PCDHGA1: variants seen among roughly 807,000 people sequenced by gnomAD.
The protein encoded by PCDHGA1 is protocadherin gamma-A1.
A neutral mutation model predicts 58.0 loss-of-function variants in PCDHGA1; 32 were observed. The observed-to-expected ratio is 0.55, with a 90% CI of 0.42 to 0.74. The LOEUF (loss-of-function observed/expected upper bound fraction) is 0.74, where lower values mean the gene tolerates loss of function less well. Ranked by LOEUF, PCDHGA1 falls within the 30% of genes least tolerant of loss-of-function variation. The pLI, the probability that PCDHGA1 is intolerant of heterozygous loss-of-function variation, is 0.00. For missense variants in PCDHGA1, 1,205 were observed against 1,182.3 expected (o/e 1.02, Z -0.28); for synonymous variants, 498 against 501.1 (o/e 0.99, Z 0.08).
intron 1 of PCDHGA1, chr5:141,378,088 T>A (rs1218204650): frequency 6.6e-6 from 1 of 152,252 alleles, no homozygotes; most frequent in African/African-American, 2.4e-5. Context: ...TTATAACTTT[T>A]TTTCAAACTC....
chr5:141,342,903 T>A (rs1006351262), intron 1 of PCDHGA1: 2 of 152,216 alleles, frequency 1.3e-5, no homozygotes, highest in Non-Finnish European at 2.9e-5. Context: ...CAAAGGAAAC[T>A]TCTTTCAGTA....
At chr5:141,450,014 T>A (rs867473620) in intron 1 of PCDHGA1, among the ~76,000 whole-genome samples, 7,114 of 149,588 alleles carry the variant, frequency 0.048, 422 homozygotes, top group African/African-American at 0.13. Context: ...CTCTTTTTTT[T>A]TTTTTTTTTT....
chr5:141,341,358 C>A, intron 1 of PCDHGA1: 1 of 1,614,252 alleles, frequency 6.2e-7, no homozygotes, highest in Non-Finnish European at 8.5e-7. Flanking sequence ...GCGCCTCAAT[C>A]TCTACTCGAA....
chr5:141,417,766 C>T (rs564920153), intron 1 of PCDHGA1: 7 of 1,442,472 alleles, frequency 4.9e-6, no homozygotes, highest in African/African-American at 4.3e-5. Context: ...AGACCCGGGA[C>T]TCCTCCTGTC....
intron 1 of PCDHGA1, chr5:141,404,265 T>A: frequency 6.2e-7 from 1 of 1,613,998 alleles, no homozygotes; most frequent in Non-Finnish European, 8.5e-7. Context: ...GAAATTCACA[T>A]CACCCTGCAA....
chr5:141,348,541 C>T (rs1758139506), intron 1 of PCDHGA1, among the ~76,000 whole-genome samples: 1 of 152,128 alleles, frequency 6.6e-6, no homozygotes, highest in South Asian at 2.1e-4. Context: ...AAGATAATTT[C>T]TAAGAATTCT....
intron 1 of PCDHGA1, chr5:141,393,251 G>A: frequency 6.2e-7 from 1 of 1,613,814 alleles, no homozygotes; most frequent in Non-Finnish European, 8.5e-7. Context: ...ACGAAATCGC[G>A]GTTCCTGGAG....
At chr5:141,342,771 ATATATTG>A (rs1173667615) in intron 1 of PCDHGA1, 1 of 152,226 alleles carries the variant, frequency 6.6e-6, no homozygotes. Context: ...GAAACGACAA[ATATATTG>A]TATTTATATT....
At chr5:141,406,474 T>TA (rs1309995681) in intron 1 of PCDHGA1, among the ~76,000 whole-genome samples, 1 of 152,248 alleles carries the variant, frequency 6.6e-6, no homozygotes, top group Non-Finnish European at 1.5e-5. Flanking sequence ...TCTTTGAGGT[T>TA]ATATTTTTCA....
At chr5:141,498,318 G>T (rs927950671) in intron 2 of PCDHGA1, among the ~76,000 whole-genome samples, 2 of 151,792 alleles carry the variant, frequency 1.3e-5, no homozygotes, top group African/African-American at 4.8e-5. Flanking sequence ...TGCCTACACA[G>T]AAGGAAGAGC....
At chr5:141,347,223 G>A (rs980321059) in intron 1 of PCDHGA1, among the ~76,000 whole-genome samples, 2 of 139,372 alleles carry the variant, frequency 1.4e-5, no homozygotes, top group Non-Finnish European at 3.1e-5. Flanking sequence ...GCATGATCAC[G>A]GCTCACTGCA....
intron 1 of PCDHGA1, chr5:141,344,564 C>T: frequency 6.2e-7 from 1 of 1,614,022 alleles, no homozygotes; most frequent in Non-Finnish European, 8.5e-7. Context: ...CCAATGACTA[C>T]TTCTCTCTGG....
intron 1 of PCDHGA1, chr5:141,427,552 C>T (rs1233231671): frequency 1.5e-6 from 1 of 645,244 alleles, no homozygotes; most frequent in South Asian, 1.5e-5. Context: ...ATCACTGCCA[C>T]TGACAAGGGC....
At position 141,485,129 on chromosome 5, in the gene PCDHGA1, T is replaced by G. The variant is rs761201450; in HGVS notation, c.2422-9678T>G. 2.1e-6 allele frequency: 3 copies of G among 1,462,964 alleles called. No individual in the cohort carries two copies. Among genetic ancestry groups the G allele is most frequent in the Non-Finnish European group, 2.8e-6 (3 of 1,053,766 alleles). 90.6% of individuals were successfully genotyped at this position (1,462,964 alleles called of 1,614,324 possible). A position where few individuals can be genotyped will look rare whatever the true frequency, so the allele number is the denominator to read the frequency against. On this transcript the variant is annotated intron_variant, in intron 1 of 3. Coordinates refer to ENST00000517417, the MANE Select transcript of PCDHGA1 (RefSeq NM_018912.3). The surrounding 1 kb of genome is among the most constrained non-coding windows in gnomAD (Gnocchi z 5.7). ...TGTGGCTGTTTGGGGCGGGTCGGCT[T>G]CATCCGCGTCTCAGGAGCAAGTAGA...
chr5:141,366,178 C>T (rs778986920), intron 1 of PCDHGA1: 3 of 1,614,044 alleles, frequency 1.9e-6, no homozygotes, highest in East Asian at 2.2e-5. Context: ...AGCCAGGACT[C>T]TTTGCGGTTG....
chr5:141,446,797 A>G lies in PCDHGA1; in HGVS notation c.2422-48010A>G, dbSNP rs559881142. ...CCATTCTTTTACTCTGAGTTCTTCC[A>G]TTGTGATCATCTAGTCAGATGGGTA... is the stretch of plus-strand genomic sequence containing the variant. On this transcript the variant is annotated intron_variant, in intron 1 of 3. Coordinates refer to ENST00000517417, the MANE Select transcript of PCDHGA1 (RefSeq NM_018912.3). Among the ~76,000 whole-genome samples, 48 of 152,224 alleles carry G rather than the reference A, an allele frequency of 3.2e-4. No individual in the cohort carries two copies. In the South Asian group the frequency reaches 7.3e-3, roughly 23 times the overall value.
Position 141,428,071 on chromosome 5 carries a change from C to T in PCDHGA1, c.2422-66736C>T, listed in dbSNP as rs968712502. ...AAGGTGGTGGCGGTGGACGCAGATTCGGGACACAACGCTTGGCTGTCCTAC... is the reference window on the plus strand; with the variant it reads ...AAGGTGGTGGCGGTGGACGCAGATTTGGGACACAACGCTTGGCTGTCCTAC... On this transcript the variant is annotated intron_variant, in intron 1 of 3. Transcript: ENST00000517417. The T allele has an allele frequency of 5.6e-6, 9 of 1,609,140 alleles. No homozygotes were observed. In the Middle Eastern group the frequency reaches 1.0e-3, roughly 184 times the overall value.
chr5:141,419,754 T>C, intron 1 of PCDHGA1: 1 of 1,613,924 alleles, frequency 6.2e-7, no homozygotes. Flanking sequence ...GTGCGTGCTT[T>C]GGGTGACAAG....
intron 1 of PCDHGA1, chr5:141,421,613 A>T (rs2096587756): frequency 6.2e-7 from 1 of 1,613,720 alleles, no homozygotes; most frequent in Admixed American, 1.7e-5. Context: ...GATATTAATG[A>T]TAACGCCCCC....
Sources: allele counts gnomAD v4.1 joint callset (sites outside exome capture counted in the v4.1 genomes callset), GRCh38; gene constraint gnomAD v4.1.1; non-coding constraint Gnocchi (gnomAD v3.1); transcripts MANE v1.5; gene names NCBI Gene and HGNC (gene_info 2026-07-23, HGNC 2026-07-21).